Variants in UBASH3B observed in about 807,000 individuals in gnomAD.
UBASH3B encodes the protein ubiquitin associated and SH3 domain containing B, also known as ubiquitin-associated and SH3 domain-containing protein B.
UBASH3B carries 37 observed loss-of-function variants against 83.4 expected under a neutral mutation model. The observed-to-expected ratio is 0.44, with a 90% CI of 0.34 to 0.58. UBASH3B has a LOEUF of 0.58. Among genes scored for constraint, UBASH3B ranks in the 20% least tolerant of loss-of-function variants. UBASH3B has a pLI of 0.01. For missense variants in UBASH3B, 657 were observed against 827.2 expected (o/e 0.79, Z 2.52); for synonymous variants, 304 against 318.3 (o/e 0.96, Z 0.48).
Position 122,808,064 on chromosome 11 carries a change from C to T in UBASH3B, c.1703-3C>T, listed in dbSNP as rs553327795. 4 of 1,613,244 alleles carry T rather than the reference C, an allele frequency of 2.5e-6. No homozygotes were observed. Among genetic ancestry groups the T allele is most frequent in the African/African-American group, 2.7e-5 (2 of 75,028 alleles). ...CTTCCCATACCTTGCCATTTTCCCC[C>T]AGGAAATAACATCCTGATTGTGGCC... On this transcript the variant is annotated splice_region_variant and splice_polypyrimidine_tract_variant and intron_variant, in intron 12 of 13. Transcript: ENST00000284273.
chr11:122,790,504 T>C lies in UBASH3B; in HGVS notation c.980+1196T>C, dbSNP rs116842552. ...TAAGCTGGGTTTCCAAAGTCTCCAT[T>C]TTAATCCCTACAACAACAAGTAAAG... On this transcript the variant is annotated intron_variant, in intron 6 of 13. Transcript: ENST00000284273. Among the ~76,000 whole-genome samples the C allele has an allele frequency of 6.6e-3, 1,004 of 152,304 alleles. 5 individuals are homozygous for C. Among genetic ancestry groups the C allele is most frequent in the Non-Finnish European group, 9.8e-3 (670 of 68,038 alleles).
intron 1 of UBASH3B, among the ~76,000 whole-genome samples, chr11:122,707,742 A>G (rs909000763): frequency 1.3e-4 from 19 of 150,918 alleles, no homozygotes; most frequent in African/African-American, 4.6e-4. Context: ...TCTGTTACCC[A>G]GGCTGGAGTG....
intron 1 of UBASH3B, among the ~76,000 whole-genome samples, chr11:122,707,234 T>A (rs1411787950): frequency 6.6e-6 from 1 of 152,176 alleles, no homozygotes; most frequent in East Asian, 1.9e-4. Flanking sequence ...ACCTACTTAC[T>A]TTCTTGGAAG....
chr11:122,746,121 G>T (rs757503286), intron 1 of UBASH3B, among the ~76,000 whole-genome samples: 28 of 152,328 alleles, frequency 1.8e-4, no homozygotes, highest in Admixed American at 7.2e-4. Flanking sequence ...TGTCATGAAA[G>T]ATATACACTA....
At position 122,655,967 on chromosome 11, in the gene UBASH3B, TC is replaced by T; in HGVS notation, c.-79del. ...CCTGGCTCTGGGTCCCCGAGCCCCC[TC>T]CCCTGGCCCAGCCCGACTCCCTCCT... On this transcript the variant is annotated 5_prime_UTR_variant, in exon 1 of 14. Transcript: ENST00000284273. 3.2e-6 allele frequency: 1 copy of T among 316,018 alleles called. No homozygotes were observed. The highest frequency in any genetic ancestry group is 4.8e-6 in the Non-Finnish European group (1 of 209,138). The allele number at this position is 316,018 out of a possible 1,614,324, so 19.6% of individuals were successfully genotyped here. A position where few individuals can be genotyped will look rare whatever the true frequency, so the allele number is the denominator to read the frequency against.
intron 8 of UBASH3B, among the ~76,000 whole-genome samples, 193 bp downstream of exon 8, chr11:122,796,469 A>T (rs961160960): frequency 6.6e-5 from 10 of 152,094 alleles, no homozygotes; most frequent in African/African-American, 2.4e-4. Flanking sequence ...CATTCTATAA[A>T]CTGGGATACC....
At chr11:122,753,486 C>CT (rs1302331583) in intron 1 of UBASH3B, among the ~76,000 whole-genome samples, 1 of 134,196 alleles carries the variant, frequency 7.5e-6, no homozygotes, top group African/African-American at 2.8e-5. Flanking sequence ...GTTTCTTTAT[C>CT]TTTTTTCTTT....
intron 1 of UBASH3B, among the ~76,000 whole-genome samples, chr11:122,748,003 G>A (rs1047389040): frequency 6.6e-5 from 10 of 152,202 alleles, no homozygotes; most frequent in Admixed American, 4.6e-4. Context: ...TGATAAGCTT[G>A]TAAGTAGCAG....
intron 1 of UBASH3B, among the ~76,000 whole-genome samples, chr11:122,761,899 C>T (rs896887043): frequency 4.1e-5 from 6 of 146,292 alleles, no homozygotes; most frequent in Middle Eastern, 3.8e-3. Flanking sequence ...TAAAGCGATT[C>T]TCCTGCCTCA....
chr11:122,670,192 T>G (rs1357331862), intron 1 of UBASH3B, among the ~76,000 whole-genome samples: 1 of 152,030 alleles, frequency 6.6e-6, no homozygotes, highest in Non-Finnish European at 1.5e-5. Flanking sequence ...TGTGTGTGTG[T>G]GTGTGTGTAT....
At chr11:122,772,250 C>T (rs532462432) in intron 1 of UBASH3B, among the ~76,000 whole-genome samples, 2 of 152,296 alleles carry the variant, frequency 1.3e-5, no homozygotes, top group East Asian at 1.9e-4. Context: ...TGCACGTCTC[C>T]GTCATGGCCC....
intron 1 of UBASH3B, among the ~76,000 whole-genome samples, chr11:122,723,422 TC>T (rs1168644423): frequency 6.6e-6 from 1 of 152,232 alleles, no homozygotes; most frequent in Non-Finnish European, 1.5e-5. Context: ...CCACGTGATC[TC>T]CCTTGGAGAC....
intron 5 of UBASH3B, 75 bp from the exon 6 acceptor site, chr11:122,789,025 C>T: frequency 7.2e-7 from 1 of 1,382,956 alleles, no homozygotes; most frequent in South Asian, 1.2e-5. Flanking sequence ...TAATGCAGAA[C>T]ATACAGTCCT....
chr11:122,768,466 A>ATG lies in UBASH3B; in HGVS notation c.162-7751_162-7750dup, dbSNP rs1555144490. Among the ~76,000 whole-genome samples, 110 of 129,030 alleles carry ATG rather than the reference A, an allele frequency of 8.5e-4. 1 individual carries two copies. Among genetic ancestry groups the ATG allele is most frequent in the African/African-American group, 3.7e-3 (109 of 29,496 alleles). 84.6% of individuals were successfully genotyped at this position (129,030 alleles called of 152,430 possible). A position where few individuals can be genotyped will look rare whatever the true frequency, so the allele number is the denominator to read the frequency against. ...AAAAAAGAAAAAGATAGAGATATAT[A>ATG]TGTATGTGTGTGTGTGTGTGTGTGT... On this transcript the variant is annotated intron_variant, in intron 1 of 13. Transcript: ENST00000284273.
intron 1 of UBASH3B, among the ~76,000 whole-genome samples, chr11:122,702,716 G>C (rs1336708190): frequency 6.6e-6 from 1 of 151,856 alleles, no homozygotes; most frequent in African/African-American, 2.4e-5. Flanking sequence ...GTAGAGACAG[G>C]GTTTCACCAT....
chr11:122,667,093 G>A (rs191980421), intron 1 of UBASH3B, among the ~76,000 whole-genome samples: 48 of 146,890 alleles, frequency 3.3e-4, no homozygotes, highest in Admixed American at 2.6e-3. Context: ...ACCCAGGCTG[G>A]AGTGCAATGT....
At chr11:122,780,728 G>A (rs1860838096) in intron 4 of UBASH3B, among the ~76,000 whole-genome samples, 1 of 152,230 alleles carries the variant, frequency 6.6e-6, no homozygotes, top group African/African-American at 2.4e-5. Context: ...CGGGCGGGTG[G>A]CAGGAGCACA....
chr11:122,743,378 C>A (rs1861058198), intron 1 of UBASH3B, among the ~76,000 whole-genome samples: 1 of 152,150 alleles, frequency 6.6e-6, no homozygotes, highest in Middle Eastern at 3.2e-3. Context: ...CCATGCCTAG[C>A]TAATTTTTTT....
At chr11:122,715,383 C>T (rs187700919) in intron 1 of UBASH3B, among the ~76,000 whole-genome samples, 1 of 152,360 alleles carries the variant, frequency 6.6e-6, no homozygotes, top group African/African-American at 2.4e-5. Context: ...AAGTTGCCTC[C>T]TTCAAAACAG....
Sources: allele counts gnomAD v4.1 joint callset (sites outside exome capture counted in the v4.1 genomes callset), GRCh38; gene constraint gnomAD v4.1.1; transcripts MANE v1.5; gene names NCBI Gene and HGNC (gene_info 2026-07-23, HGNC 2026-07-21).